Variants in FAM120C observed in about 807,000 individuals in gnomAD.
FAM120C encodes the protein family with sequence similarity 120 member C, also known as constitutive coactivator of PPAR-gamma-like protein 2.
In FAM120C, 14 loss-of-function variants were observed where a neutral mutation model predicts 71.2. The observed-to-expected ratio is 0.20, with a 90% CI of 0.13 to 0.31. FAM120C has a LOEUF of 0.31. FAM120C is among the 10% of genes least tolerant of loss of function. FAM120C has a pLI of 1.00. For synonymous variants in FAM120C, 354 were observed against 353.2 expected (o/e 1.00, Z -0.03); for missense variants, 500 against 879.0 (o/e 0.57, Z 5.45).
intron 10 of FAM120C, among the ~76,000 whole-genome samples, chrX:54,115,538 T>G (rs145731815): frequency 0.042 from 4,745 of 111,844 alleles, 99 homozygotes; most frequent in Non-Finnish European, 0.062. Context: ...TGGCAGTATT[T>G]AGTGAAAAAG....
Position 54,087,845 on chromosome X carries a change from T to G in FAM120C, c.2547A>C (p.Pro849=). 1 of 1,211,234 alleles carries G rather than the reference T, an allele frequency of 8.3e-7. No homozygotes were observed. Residue 849 remains proline, a synonymous_variant, in exon 12 of 16, where the codon CCA becomes CCC. Transcript: ENST00000375180. The part of the protein sequence containing the change: ...GQPVPWEHCC[P]WIYFDGKLFQ... ...ACAGCTTGCCATCAAAGTAAATCCA[T>G]GGACAGCAATGCTCCCAAGGGACTG...
At chrX:54,145,867 C>T (rs1481009115) in intron 4 of FAM120C, among the ~76,000 whole-genome samples, 1 of 112,029 alleles carries the variant, frequency 8.9e-6, no homozygotes, top group Non-Finnish European at 1.9e-5. Flanking sequence ...CGTATGTTTA[C>T]TGTGGCACTA....
chrX:54,160,280 G>A (rs959828902), intron 1 of FAM120C, among the ~76,000 whole-genome samples: 8 of 110,420 alleles, frequency 7.2e-5, no homozygotes, highest in African/African-American at 2.6e-4. Flanking sequence ...AAAAGTCTTT[G>A]CTTTTTTTCT....
chrX:54,095,714 T>C (rs1312623207), intron 10 of FAM120C, among the ~76,000 whole-genome samples: 4 of 110,253 alleles, frequency 3.6e-5, no homozygotes, highest in Non-Finnish European at 7.6e-5. Context: ...TGGAGTGCAA[T>C]GGCACCATCT....
intron 13 of FAM120C, among the ~76,000 whole-genome samples, chrX:54,082,470 G>A (rs2066771290): frequency 9.1e-6 from 1 of 110,387 alleles, no homozygotes; most frequent in Non-Finnish European, 1.9e-5. Context: ...GTGCAATGGT[G>A]CAATCTCGGC....
At chrX:54,150,405 T>C (rs782303952) in intron 4 of FAM120C, among the ~76,000 whole-genome samples, 1 of 112,594 alleles carries the variant, frequency 8.9e-6, no homozygotes, top group East Asian at 2.8e-4. Context: ...AGCATATTGC[T>C]TTTACACTAT....
intron 4 of FAM120C, among the ~76,000 whole-genome samples, chrX:54,145,740 A>T (rs1490559475): frequency 8.9e-6 from 1 of 112,117 alleles, no homozygotes; most frequent in East Asian, 2.8e-4. Context: ...ATTGTGGAAG[A>T]CAGTGTGGTG....
chrX:54,108,424 T>G (rs1390094250), intron 10 of FAM120C, among the ~76,000 whole-genome samples: 1 of 110,804 alleles, frequency 9.0e-6, no homozygotes, highest in Non-Finnish European at 1.9e-5. Flanking sequence ...GAAACTAGAC[T>G]GATCACAAAT....
chrX:54,161,875 A>G (rs1411703627), intron 1 of FAM120C, among the ~76,000 whole-genome samples: 2 of 112,429 alleles, frequency 1.8e-5, no homozygotes, highest in Admixed American at 9.4e-5. Context: ...CAGGTGATCC[A>G]CCGGCCTTGG....
chrX:54,167,498 CAG>C (rs1355028334), intron 1 of FAM120C, among the ~76,000 whole-genome samples: 1 of 111,578 alleles, frequency 9.0e-6, no homozygotes, highest in Non-Finnish European at 1.9e-5. Context: ...GTTCACCATT[CAG>C]TTCAGTGAAT....
chrX:54,114,039 T>TAC (rs201960191), intron 10 of FAM120C, among the ~76,000 whole-genome samples: 11,200 of 98,633 alleles, frequency 0.11, 656 homozygotes, highest in Middle Eastern at 0.19. Flanking sequence ...GAAAGTGTGA[T>TAC]ACACACACAC....
chrX:54,117,880 A>G (rs2066980256), intron 9 of FAM120C, among the ~76,000 whole-genome samples: 1 of 111,183 alleles, frequency 9.0e-6, no homozygotes, highest in South Asian at 3.8e-4. Context: ...ATACACCAAA[A>G]GATATTAAGA....
intron 15 of FAM120C, among the ~76,000 whole-genome samples, chrX:54,078,006 C>G (rs977717594): frequency 1.1e-5 from 1 of 92,364 alleles, no homozygotes; most frequent in African/African-American, 4.0e-5. Flanking sequence ...TGCAGTGGCG[C>G]GATCTCGGCT....
At chrX:54,080,507 A>G (rs1243304092) in intron 14 of FAM120C, among the ~76,000 whole-genome samples, 2 of 112,018 alleles carry the variant, frequency 1.8e-5, no homozygotes, top group African/African-American at 6.5e-5. Context: ...AAACTCTTTC[A>G]TTAAGGCAGG....
intron 8 of FAM120C, 80 bp downstream of exon 8, chrX:54,133,693 G>A (rs889120102): frequency 2.1e-5 from 22 of 1,049,081 alleles, no homozygotes; most frequent in Non-Finnish European, 2.7e-5. Context: ...TGACCAGAAT[G>A]TTCTCTGTAA....
At chrX:54,151,186 G>A in intron 4 of FAM120C, 59 bp downstream of exon 4, 1 of 1,167,684 alleles carries the variant, frequency 8.6e-7, no homozygotes, top group East Asian at 3.0e-5. Flanking sequence ...GGGACCTGCT[G>A]GTGTTGCTGA....
chrX:54,097,350 A>G (rs1026002645), intron 10 of FAM120C, among the ~76,000 whole-genome samples: 11 of 112,067 alleles, frequency 9.8e-5, no homozygotes, highest in Admixed American at 5.7e-4. Flanking sequence ...TAAGATAGCT[A>G]GAGTGGGCTG....
At chrX:54,123,906 G>A (rs1557127521) in intron 9 of FAM120C, among the ~76,000 whole-genome samples, 1 of 91,107 alleles carries the variant, frequency 1.1e-5, no homozygotes, top group African/African-American at 4.0e-5. Context: ...CGGTGTAGAT[G>A]TCCTTTCTGT....
intron 10 of FAM120C, 151 bp downstream of exon 10, chrX:54,116,394 T>C (rs2066968138): frequency 1.7e-6 from 1 of 580,766 alleles, no homozygotes; most frequent in Non-Finnish European, 2.7e-6. Context: ...GAGGAGGCTG[T>C]CTGAACAATC....
Sources: allele counts gnomAD v4.1 joint callset (sites outside exome capture counted in the v4.1 genomes callset), GRCh38; gene constraint gnomAD v4.1.1; transcripts MANE v1.5; gene names NCBI Gene and HGNC (gene_info 2026-07-23, HGNC 2026-07-21).